The following AKAP12 variants were observed in gnomAD, a reference collection of about 807,000 sequenced individuals.
AKAP12 encodes the protein A-kinase anchoring protein 12.
AKAP12 carries 32 observed loss-of-function variants against 79.9 expected under a neutral mutation model. That is an observed-to-expected ratio of 0.40 (90% CI 0.30 to 0.54). The LOEUF (loss-of-function observed/expected upper bound fraction) is 0.54, where lower values mean the gene tolerates loss of function less well. Ranked by LOEUF, AKAP12 falls within the 20% of genes least tolerant of loss-of-function variation. The pLI, the probability that AKAP12 is intolerant of heterozygous loss-of-function variation, is 0.48. For missense variants in AKAP12, 2,074 were observed against 2,177.0 expected (o/e 0.95, Z 0.94); for synonymous variants, 808 against 857.0 (o/e 0.94, Z 1.00).
At chr6:151,251,323 TG>T in intron 2 of AKAP12, among the ~76,000 whole-genome samples, 1 of 152,154 alleles carries the variant, frequency 6.6e-6, no homozygotes. Flanking sequence ...CGTGAACCCC[TG>T]GGAGACCCTC....
intron 2 of AKAP12, among the ~76,000 whole-genome samples, chr6:151,300,642 A>T (rs1776845692): frequency 6.6e-6 from 1 of 152,054 alleles, no homozygotes; most frequent in Admixed American, 6.5e-5. Context: ...CTTGGCTACC[A>T]CTTGGACATT....
At chr6:151,287,084 C>T (rs1281240770) in intron 2 of AKAP12, among the ~76,000 whole-genome samples, 5 of 151,596 alleles carry the variant, frequency 3.3e-5, no homozygotes, top group Middle Eastern at 3.2e-3. Flanking sequence ...GGACTACAGG[C>T]GCCCGCCACC....
At chr6:151,261,202 A>ACATGGCGAAACCC (rs1271930775) in intron 2 of AKAP12, among the ~76,000 whole-genome samples, 1 of 151,880 alleles carries the variant, frequency 6.6e-6, no homozygotes, top group African/African-American at 2.4e-5. Flanking sequence ...AGCCTGGTTA[A>ACATGGCGAAACCC]CATGGCGAAA....
At position 151,349,973 on chromosome 6, in the gene AKAP12, C is replaced by T. The variant is rs1305633865; in HGVS notation, c.1582C>T (p.Leu528Phe). ...KLFTSTGLKK[L>F]SGKKQKGKRG... ...TTTTACCAGCACTGGCTTAAAAAAG[C>T]TTTCTGGAAAGAAACAGAAAGGGAA... The change falls in exon 4 of 5, where the codon CTT becomes TTT. Residue 528 changes from leucine to phenylalanine, a missense_variant. This residue lies in a region of AKAP12 where 1,428 missense variants were observed against 1,451.0 expected (regional missense o/e 0.98). Coordinates refer to ENST00000402676, the MANE Select transcript of AKAP12 (RefSeq NM_005100.4). 1.2e-6 allele frequency: 2 copies of T among 1,614,022 alleles called. No homozygotes were observed. The highest frequency in any genetic ancestry group is 1.6e-4 in the Middle Eastern group (1 of 6,062).
chr6:151,316,518 C>T (rs2114771806), intron 3 of AKAP12, among the ~76,000 whole-genome samples: 1 of 152,246 alleles, frequency 6.6e-6, no homozygotes, highest in South Asian at 2.1e-4. Context: ...GGTTTGGTTC[C>T]TCCTGAGGCC....
chr6:151,272,539 A>ATAGG (rs1554321923), intron 2 of AKAP12, among the ~76,000 whole-genome samples: 11 of 151,720 alleles, frequency 7.3e-5, no homozygotes, highest in African/African-American at 2.7e-4. Context: ...AGATAGATAG[A>ATAGG]GATGGAGTCT....
chr6:151,246,771 A>G (rs923107615), intron 2 of AKAP12, among the ~76,000 whole-genome samples: 1 of 152,034 alleles, frequency 6.6e-6, no homozygotes, highest in East Asian at 1.9e-4. Context: ...TTATTTATTT[A>G]TTGTTTTTGA....
In AKAP12 at chr6:151,331,560, T is replaced by C. The variant is rs572903087; in HGVS notation, c.320-17151T>C. 9.2e-5 allele frequency among the ~76,000 whole-genome samples: 14 copies of C among 152,304 alleles called. No homozygotes were observed. The South Asian group carries it at 1.7e-3, about 18-fold the overall frequency. On this transcript the variant is annotated intron_variant, in intron 3 of 4. Transcript: ENST00000402676. ...AATGTTGTAGCATGAAGTAGCTTCA[T>C]CCATATCCAGCCTTTATTTTTACTG...
chr6:151,263,632 G>T (rs192022336), intron 2 of AKAP12, among the ~76,000 whole-genome samples: 6 of 152,118 alleles, frequency 3.9e-5, no homozygotes, highest in Admixed American at 3.3e-4. Flanking sequence ...AGGCTGGAGT[G>T]CAATGGCGTG....
At chr6:151,305,962 A>G in intron 3 of AKAP12, 59 bp downstream of exon 3, 1 of 1,511,166 alleles carries the variant, frequency 6.6e-7, no homozygotes, top group Non-Finnish European at 8.9e-7. Flanking sequence ...CTTTGGACTC[A>G]GCAGAAAATA....
intron 2 of AKAP12, among the ~76,000 whole-genome samples, chr6:151,248,070 G>A (rs978917506): frequency 6.6e-6 from 1 of 152,088 alleles, no homozygotes; most frequent in Non-Finnish European, 1.5e-5. Flanking sequence ...AGAGATTACT[G>A]CAGTTTATTG....
rs776956170 is a variant in AKAP12 at position 151,350,849 on chromosome 6, G to C, written c.2458G>C (p.Asp820His). Residue 820 changes from aspartate (D) to histidine (H), a missense_variant, in exon 4 of 5, where the codon GAT becomes CAT. Coordinates refer to ENST00000402676, the MANE Select transcript of AKAP12 (RefSeq NM_005100.4). The surrounding 1 kb of genome is among the most constrained non-coding windows in gnomAD (Gnocchi z 4.8). ...TCCTGGACGAAGGAAGAAAAGGCCA[G>C]ATGGGAAACAAGAACAAGCCCCTGT... ...FIPGRRKKRP[D>H]GKQEQAPVED... The C allele has an allele frequency of 3.1e-6, 5 of 1,614,140 alleles. No individual in the cohort carries two copies. The highest frequency in any genetic ancestry group is 4.2e-6 in the Non-Finnish European group (5 of 1,180,040).
intron 4 of AKAP12, 79 bp downstream of exon 4, chr6:151,353,831 G>A (rs1330758838): frequency 2.0e-6 from 2 of 982,062 alleles, no homozygotes; most frequent in Non-Finnish European, 3.0e-6. Context: ...GGAATCGGGA[G>A]CAAATAATTA....
At chr6:151,295,468 C>G (rs1776705050) in intron 2 of AKAP12, among the ~76,000 whole-genome samples, 1 of 152,128 alleles carries the variant, frequency 6.6e-6, no homozygotes, top group Non-Finnish European at 1.5e-5. Flanking sequence ...GAGAAACTCT[C>G]TGTCTAGTAT....
rs1229262054 is a variant in AKAP12, at chr6:151,351,820, C to T, written c.3429C>T (p.Thr1143=). The change falls in exon 4 of 5, where the codon ACC becomes ACT. Residue 1143 remains threonine (T), a synonymous_variant. Transcript: ENST00000402676. This position sits in a 1 kb window ranked among gnomAD's most constrained non-coding sequence, Gnocchi z 4.4. ...SELVTTCQAE[T]LAGVKSQEMV... is the part of the protein sequence containing the mutation. Reference sequence around the variant, plus strand: ...TTGTAACCACTTGTCAAGCCGAAACCTTAGCTGGGGTAAAATCACAGGAGA... The same window carrying T: ...TTGTAACCACTTGTCAAGCCGAAACTTTAGCTGGGGTAAAATCACAGGAGA... 3 of 1,614,106 alleles carry T rather than the reference C, an allele frequency of 1.9e-6. No individual in the cohort carries two copies. Among genetic ancestry groups the T allele is most frequent in the Non-Finnish European group, 2.5e-6 (3 of 1,180,002 alleles).
intron 3 of AKAP12, chr6:151,324,240 G>C (rs1034476380): frequency 2.0e-6 from 2 of 985,470 alleles, no homozygotes; most frequent in East Asian, 1.1e-4. Context: ...ATATCTCACT[G>C]AGTCAGGACA....
Position 151,355,240 on chromosome 6 carries a change from C to T in AKAP12, c.*13-487C>T, listed in dbSNP as rs186405322. On this transcript the variant is annotated intron_variant, in intron 4 of 4. Coordinates refer to ENST00000402676, the MANE Select transcript of AKAP12 (RefSeq NM_005100.4). ...CTGACCTCAAGTGATCTGCCCGCCT[C>T]GGCCTCCTAAAGTGCTGGGATTACA... 7.0e-3 allele frequency among the ~76,000 whole-genome samples: 1,058 copies of T among 151,740 alleles called. 6 individuals are homozygous for T. The highest frequency in any genetic ancestry group is 0.012 in the Non-Finnish European group (815 of 67,916).
chr6:151,313,146 C>T (rs1313794050), intron 3 of AKAP12, among the ~76,000 whole-genome samples: 4 of 152,104 alleles, frequency 2.6e-5, no homozygotes, highest in Non-Finnish European at 4.4e-5. Context: ...AGACCCTTTC[C>T]AGGATCGCAC....
chr6:151,351,248 C>T lies in AKAP12; in HGVS notation c.2857C>T (p.Pro953Ser). 6.2e-7 allele frequency: 1 copy of T among 1,614,228 alleles called. No homozygotes were observed. The highest frequency in any genetic ancestry group is 8.5e-7 in the Non-Finnish European group (1 of 1,180,036). The change falls in exon 4 of 5, where the codon CCT (proline) becomes TCT (serine). Residue 953 changes from proline to serine, a missense_variant. Coordinates refer to ENST00000402676, the MANE Select transcript of AKAP12 (RefSeq NM_005100.4). This position sits in a 1 kb window ranked among gnomAD's most constrained non-coding sequence, Gnocchi z 4.4. ...AGAAGAACCCCCCACGGTTACTGAA[C>T]CTCTGCCAGAGAACAGAGAGGCCCG... The part of the protein sequence containing the change: ...AEEEPPTVTE[P>S]LPENREARGD...
Sources: gnomAD v4.1 joint callset for allele counts (sites outside exome capture counted in the v4.1 genomes callset) on GRCh38, gnomAD v4.1.1 for gene constraint, gnomAD v4.1.1 regional missense constraint, Gnocchi (gnomAD v3.1) non-coding constraint, MANE v1.5 for transcripts, NCBI Gene and HGNC (gene_info 2026-07-23, HGNC 2026-07-21) for gene names.